Variants in TGFBR3 observed in about 807,000 individuals in gnomAD.
TGFBR3 encodes the protein transforming growth factor beta receptor type 3.
Under a neutral mutation model 87.9 loss-of-function variants are expected in TGFBR3, and 46 were observed. The ratio of observed to expected loss-of-function variants is 0.52; its 90% confidence interval spans 0.41 to 0.67. TGFBR3 has a LOEUF of 0.67. Ranked by LOEUF, TGFBR3 falls within the 30% of genes least tolerant of loss-of-function variation. The pLI is 0.00. For synonymous variants in TGFBR3, 381 were observed against 391.6 expected (o/e 0.97, Z 0.32); for missense variants, 866 against 1,041.9 (o/e 0.83, Z 2.32).
At chr1:91,858,119 T>C (rs1026240948) in intron 2 of TGFBR3, among the ~76,000 whole-genome samples, 28 of 152,200 alleles carry the variant, frequency 1.8e-4, no homozygotes, top group Non-Finnish European at 3.5e-4. Context: ...AGTATCTATA[T>C]TTCTTAGAGT....
intron 2 of TGFBR3, among the ~76,000 whole-genome samples, chr1:91,898,598 A>G (rs1023621266): frequency 2.3e-4 from 35 of 151,954 alleles, no homozygotes; most frequent in African/African-American, 5.1e-4. Context: ...CACCACGCCC[A>G]GCTAATTTTT....
chr1:91,750,565 T>C (rs535743873), intron 4 of TGFBR3, among the ~76,000 whole-genome samples: 3 of 152,246 alleles, frequency 2.0e-5, no homozygotes, highest in East Asian at 3.9e-4. Context: ...TAAAAATGCA[T>C]GGTACACAAC....
Position 91,898,455 on chromosome 1 carries a change from G to T in TGFBR3, c.-114+1182C>A, listed in dbSNP as rs114730773. The stretch of plus-strand genomic sequence containing the variant: ...TTTTTTTGGTTTTTCTGTTTTTTTT[G>T]AGATGGAGTCTCGCTCTGTCACCGA... On this transcript the variant is annotated intron_variant, in intron 2 of 17. Transcript: ENST00000370399. Among the ~76,000 whole-genome samples the T allele has an allele frequency of 0.027, 4,052 of 151,286 alleles. 392 individuals are homozygous for T. In the East Asian group the frequency reaches 0.35, roughly 13 times the overall value.
In TGFBR3 at chr1:91,715,988, AT is replaced by A. The variant is rs201280265; in HGVS notation, c.1866+247del. On this transcript the variant is annotated intron_variant, in intron 12 of 16. Coordinates refer to ENST00000212355, the MANE Select transcript of TGFBR3 (RefSeq NM_003243.5). ...TTACCAGTAGAATTCACACTTGCCA[AT>A]TTTTTTTTTTGTTAACATTCATCTA... is the stretch of plus-strand genomic sequence containing the variant. Among the ~76,000 whole-genome samples, 7 of 149,538 alleles carry A rather than the reference AT, an allele frequency of 4.7e-5. No individual in the cohort carries two copies. In the East Asian group the frequency reaches 7.8e-4, roughly 17 times the overall value.
intron 1 of TGFBR3, among the ~76,000 whole-genome samples, chr1:91,883,778 CAA>C (rs534135346): frequency 3.5e-5 from 4 of 115,934 alleles, no homozygotes; most frequent in Admixed American, 1.8e-4. Context: ...ACTGAAGGGC[CAA>C]AAAAAAAAAA....
intron 4 of TGFBR3, among the ~76,000 whole-genome samples, chr1:91,753,418 A>AAAAAAAAAAT (rs1673626460): frequency 7.4e-6 from 1 of 135,384 alleles, no homozygotes; most frequent in African/African-American, 2.6e-5. Context: ...AAAAAAAAAA[A>AAAAAAAAAAT]GTGCTGCAGC....
intron 3 of TGFBR3, 96 bp downstream of exon 3, chr1:91,797,191 T>C (rs1463641801): frequency 7.5e-7 from 1 of 1,339,488 alleles, no homozygotes; most frequent in African/African-American, 1.4e-5. Flanking sequence ...TGAGCTTCTT[T>C]TGTTGAACCC....
chr1:91,830,123 C>T (rs1231774717), intron 2 of TGFBR3: 1 of 152,258 alleles, frequency 6.6e-6, no homozygotes, highest in African/African-American at 2.4e-5. Flanking sequence ...GTACTCAACA[C>T]TCTTTCCATC....
chr1:91,749,640 C>G (rs1300975462), intron 4 of TGFBR3, among the ~76,000 whole-genome samples: 1 of 152,078 alleles, frequency 6.6e-6, no homozygotes, highest in Admixed American at 6.5e-5. Context: ...GGAGTTGGAC[C>G]ATCCTGGAGT....
At chr1:91,870,999 T>A (rs1309884077) in intron 1 of TGFBR3, among the ~76,000 whole-genome samples, 1 of 150,966 alleles carries the variant, frequency 6.6e-6, no homozygotes, top group Admixed American at 6.6e-5. Context: ...ATGGCACCAC[T>A]GCACTCCAGC....
chr1:91,894,054 C>T (rs1679500893), intron 2 of TGFBR3, among the ~76,000 whole-genome samples: 1 of 151,950 alleles, frequency 6.6e-6, no homozygotes, highest in African/African-American at 2.4e-5. Flanking sequence ...TCTTCAATAC[C>T]TTCTTCTCCC....
intron 1 of TGFBR3, among the ~76,000 whole-genome samples, chr1:91,884,754 T>C (rs773640246): frequency 7.9e-5 from 12 of 152,256 alleles, no homozygotes; most frequent in Non-Finnish European, 1.6e-4. Flanking sequence ...CGTTAGCTGT[T>C]ATTATTATCC....
In TGFBR3 at chr1:91,705,476, G is replaced by A. The variant is rs527998038; in HGVS notation, c.2287+3187C>T. Among the ~76,000 whole-genome samples, 328 of 151,942 alleles carry A rather than the reference G, an allele frequency of 2.2e-3. 2 individuals carry two copies. Among genetic ancestry groups the A allele is most frequent in the African/African-American group, 6.8e-3 (280 of 41,454 alleles). On this transcript the variant is annotated intron_variant, in intron 14 of 16. Transcript: ENST00000212355. ...GAACTCCTGACCTTGTGATCCACTC[G>A]CCTCGGCCTCCCAAAGTGCTGGGAT...
At chr1:91,792,557 G>A (rs1675234107) in intron 3 of TGFBR3, among the ~76,000 whole-genome samples, 1 of 152,152 alleles carries the variant, frequency 6.6e-6, no homozygotes, top group Admixed American at 6.5e-5. Context: ...AAATAGAAAA[G>A]ACACACCACC....
At chr1:91,904,091 C>T (rs927609126) in intron 1 of TGFBR3, among the ~76,000 whole-genome samples, 5 of 152,138 alleles carry the variant, frequency 3.3e-5, no homozygotes, top group African/African-American at 1.2e-4. Context: ...GGCTGAGACA[C>T]AAGAATCGCT....
In TGFBR3 at chr1:91,727,744, T is replaced by C; in HGVS notation, c.800A>G (p.Lys267Arg). Residue 267 changes from lysine to arginine, a missense_variant, in exon 7 of 17, where the codon AAA becomes AGA. Coordinates refer to ENST00000212355, the MANE Select transcript of TGFBR3 (RefSeq NM_003243.5). ...RPSQEDLEVV[K>R]NLILILKCKK... ...GCACTTCAAGATCAGGATGAGATTT[T>C]TGACCACTTCAAGATCCTCTTGAGA... 6.2e-7 allele frequency: 1 copy of C among 1,614,164 alleles called. No homozygotes were observed. The highest frequency in any genetic ancestry group is 8.5e-7 in the Non-Finnish European group (1 of 1,180,016).
chr1:91,752,292 A>G (rs1447079769), intron 4 of TGFBR3, among the ~76,000 whole-genome samples: 1 of 152,156 alleles, frequency 6.6e-6, no homozygotes, highest in Non-Finnish European at 1.5e-5. Flanking sequence ...CTGAAATTCA[A>G]CTTTAATTGG....
chr1:91,734,799 T>G lies in TGFBR3; in HGVS notation c.545A>C (p.Asn182Thr). Residue 182 changes from asparagine to threonine, a missense_variant, in exon 5 of 17, where the codon AAC becomes ACC. Physicochemically the swap from Asn to Thr is moderately conservative, Grantham distance 65 (BLOSUM62 0). Coordinates refer to ENST00000212355, the MANE Select transcript of TGFBR3 (RefSeq NM_003243.5). ...ACCTTCCCCCACTTTAATATAAATG[T>G]TTCTTGCTATCTTGAGTTCGGTGAA... Reference protein sequence around the residue: ...TSFTELKIARNIYIKVGEDQV... With the variant: ...TSFTELKIARTIYIKVGEDQV... 2 of 1,614,236 alleles carry G rather than the reference T, an allele frequency of 1.2e-6. No individual in the cohort carries two copies.
intron 1 of TGFBR3, among the ~76,000 whole-genome samples, chr1:91,876,585 C>T (rs901090151): frequency 1.3e-5 from 2 of 152,122 alleles, no homozygotes; most frequent in African/African-American, 2.4e-5. Context: ...TAACAAAAAC[C>T]ATAGCACCAC....
Sources: gnomAD v4.1 joint callset for allele counts (sites outside exome capture counted in the v4.1 genomes callset) on GRCh38, gnomAD v4.1.1 for gene constraint, MANE v1.5 for transcripts, NCBI Gene and HGNC (gene_info 2026-07-23, HGNC 2026-07-21) for gene names.